KIAA1958: variants seen among roughly 807,000 people sequenced by gnomAD.
The protein encoded by KIAA1958 is uncharacterized protein KIAA1958.
A neutral mutation model predicts 47.2 loss-of-function variants in KIAA1958; 14 were observed. The observed-to-expected ratio is 0.30, with a 90% CI of 0.20 to 0.46. KIAA1958 has a LOEUF of 0.46. Ranked by LOEUF, KIAA1958 falls within the 20% of genes least tolerant of loss-of-function variation. KIAA1958 has a pLI of 1.00. For missense variants in KIAA1958, 803 were observed against 909.2 expected, an observed-to-expected ratio of 0.88 and a Z score of 1.50; for synonymous variants, 354 against 353.3, an observed-to-expected ratio of 1.00 and a Z score of -0.02.
chr9:112,558,882 A>G (rs1221838744), intron 1 of KIAA1958, among the ~76,000 whole-genome samples: 1 of 152,208 alleles, frequency 6.6e-6, no homozygotes, highest in Non-Finnish European at 1.5e-5. Context: ...ATTAATTTGT[A>G]TATTATATAA....
chr9:112,565,279 G>C (rs1835407270), intron 1 of KIAA1958, among the ~76,000 whole-genome samples: 1 of 152,006 alleles, frequency 6.6e-6, no homozygotes, highest in South Asian at 2.1e-4. Context: ...TTTGTTTTTT[G>C]TTTTTGTAGA....
chr9:112,573,002 G>A (rs1480996981), intron 1 of KIAA1958, among the ~76,000 whole-genome samples: 4 of 152,052 alleles, frequency 2.6e-5, no homozygotes, highest in East Asian at 1.9e-4. Flanking sequence ...AGCCAGGGCC[G>A]ACAAAATCAC....
chr9:112,600,386 CTT>C (rs1426485038), intron 2 of KIAA1958, among the ~76,000 whole-genome samples: 1 of 152,124 alleles, frequency 6.6e-6, no homozygotes, highest in East Asian at 1.9e-4. Context: ...TGTTACGTCT[CTT>C]TTTGAGGGGA....
chr9:112,589,686 G>C (rs968010864), intron 2 of KIAA1958, among the ~76,000 whole-genome samples: 1 of 152,210 alleles, frequency 6.6e-6, no homozygotes, highest in Non-Finnish European at 1.5e-5. Context: ...GATATGTTGT[G>C]AAAAGTAGGA....
chr9:112,582,723 A>T (rs79806844), intron 2 of KIAA1958: 14 of 128,600 alleles, frequency 1.1e-4, no homozygotes, highest in Admixed American at 1.0e-3. Context: ...AATAGCCCTG[A>T]AAAAAAAAAA....
At chr9:112,630,580 A>AT (rs1203775405) in intron 2 of KIAA1958, among the ~76,000 whole-genome samples, 2 of 152,222 alleles carry the variant, frequency 1.3e-5, no homozygotes, top group African/African-American at 4.8e-5. Context: ...GTCAGATATA[A>AT]TTCTCCATGT....
rs181550437 is a variant in KIAA1958 at position 112,633,297 on chromosome 9, C to G, written c.1172-12353C>G. Among the ~76,000 whole-genome samples, 125 of 151,614 alleles carry G rather than the reference C, an allele frequency of 8.2e-4. 2 individuals carry two copies. Among genetic ancestry groups the G allele is most frequent in the Non-Finnish European group, 1.9e-4 (13 of 67,886 alleles). On this transcript the variant is annotated intron_variant, in intron 2 of 3. Transcript: ENST00000337530. The stretch of plus-strand genomic sequence containing the variant: ...TACTTTCTTAAACTTCAGAAACACC[C>G]TAACAAGTAACAACAGAAAAGGGGG...
Position 112,635,211 on chromosome 9 carries a change from ATT to A in KIAA1958, c.1172-10436_1172-10435del, listed in dbSNP as rs1245992788. Among the ~76,000 whole-genome samples, 9 of 105,078 alleles carry A rather than the reference ATT, an allele frequency of 8.6e-5. No homozygotes were observed. In the South Asian group the frequency reaches 1.3e-3, roughly 15 times the overall value. 68.9% of individuals were successfully genotyped at this position (105,078 alleles called of 152,430 possible). On this transcript the variant is annotated intron_variant, in intron 2 of 3. Coordinates refer to ENST00000337530, the MANE Select transcript of KIAA1958 (RefSeq NM_133465.4). ...CTGAAGTTTTATTTTGAGATTCTTT[ATT>A]TTGTGTGTGTGTGTGTGTGTGTGTG...
chr9:112,589,625 C>T (rs1447632003), intron 2 of KIAA1958, among the ~76,000 whole-genome samples: 2 of 152,172 alleles, frequency 1.3e-5, no homozygotes, highest in Non-Finnish European at 2.9e-5. Flanking sequence ...TGGGTTCCTG[C>T]TGCAGTTGTG....
intron 2 of KIAA1958, among the ~76,000 whole-genome samples, chr9:112,631,534 G>GAAAAAAAAAAAAAAAAAAAAAAAAAA (rs57805823): frequency 2.0e-5 from 2 of 98,304 alleles, no homozygotes; most frequent in Non-Finnish European, 4.1e-5. Context: ...CTCTCTCAAA[G>GAAAAAAAAAAAAAAAAAAAAAAAAAA]AAAAAAAAAA....
In KIAA1958 at chr9:112,627,074, G is replaced by A. The variant is rs573177887; in HGVS notation, c.1172-18576G>A. Among the ~76,000 whole-genome samples the A allele has an allele frequency of 9.2e-5, 14 of 152,234 alleles. No homozygotes were observed. In the South Asian group the frequency reaches 2.9e-3, roughly 32 times the overall value. On this transcript the variant is annotated intron_variant, in intron 2 of 3. Transcript: ENST00000337530. Reference sequence around the variant, plus strand: ...TGTGTACTTCATTGTTTAATATTTTGAGCCAGCACTTAGTGGCCTCTACAG... The same window carrying A: ...TGTGTACTTCATTGTTTAATATTTTAAGCCAGCACTTAGTGGCCTCTACAG...
In KIAA1958 at chr9:112,666,465, C is replaced by G. The variant is rs1786628691; in HGVS notation, c.*6396C>G. ...TCAGGACTAGAGAGTTAGTCCAGAA[C>G]TCTCTCCTCCATATCACAGCTGAGA... On this transcript the variant is annotated 3_prime_UTR_variant, in exon 4 of 4. Transcript: ENST00000337530. 1 of 152,108 alleles carries G rather than the reference C, an allele frequency of 6.6e-6. No individual in the cohort carries two copies. The highest frequency in any genetic ancestry group is 2.1e-4 in the South Asian group (1 of 4,820). The allele number at this position is 152,108 out of a possible 1,614,324, so 9.4% of individuals were successfully genotyped here. A position where few individuals can be genotyped will look rare whatever the true frequency, so the allele number is the denominator to read the frequency against.
Position 112,664,179 on chromosome 9 carries a change from T to C in KIAA1958, c.*4110T>C, listed in dbSNP as rs888117227. The C allele has an allele frequency of 9.9e-5, 15 of 152,272 alleles. No homozygotes were observed. The highest frequency in any genetic ancestry group is 9.8e-4 in the Admixed American group (15 of 15,292). 9.4% of individuals were successfully genotyped at this position (152,272 alleles called of 1,614,324 possible). Reference sequence around the variant, plus strand: ...GATAGTTAGTCTCCTAATTAAGTGCTTCTCACTATATTGGGATGCCTTCTT... The same window carrying C: ...GATAGTTAGTCTCCTAATTAAGTGCCTCTCACTATATTGGGATGCCTTCTT... On this transcript the variant is annotated 3_prime_UTR_variant, in exon 4 of 4. Transcript: ENST00000337530.
chr9:112,503,475 C>T (rs1355575518), intron 1 of KIAA1958, among the ~76,000 whole-genome samples: 1 of 151,814 alleles, frequency 6.6e-6, no homozygotes, highest in East Asian at 1.9e-4. Flanking sequence ...AAACAATACT[C>T]CTTCTCTACA....
chr9:112,636,325 T>A (rs903313391), intron 2 of KIAA1958, among the ~76,000 whole-genome samples: 15 of 152,030 alleles, frequency 9.9e-5, no homozygotes, highest in African/African-American at 3.4e-4. Context: ...TTGGTAAAAG[T>A]GACATACAAA....
intron 1 of KIAA1958, among the ~76,000 whole-genome samples, chr9:112,507,207 C>T (rs1428724635): frequency 2.6e-5 from 4 of 152,130 alleles, no homozygotes; most frequent in Non-Finnish European, 5.9e-5. Flanking sequence ...AGCTCTGGTC[C>T]AAGGGGTGGC....
intron 1 of KIAA1958, among the ~76,000 whole-genome samples, chr9:112,531,412 A>G (rs937908075): frequency 5.9e-5 from 9 of 152,142 alleles, no homozygotes; most frequent in African/African-American, 2.2e-4. Context: ...TAAATAAATA[A>G]AAGGAAACCA....
At position 112,636,151 on chromosome 9, in the gene KIAA1958, A is replaced by G. The variant is rs989161046; in HGVS notation, c.1172-9499A>G. Among the ~76,000 whole-genome samples, 5 of 148,334 alleles carry G rather than the reference A, an allele frequency of 3.4e-5. No individual in the cohort carries two copies. In the Admixed American group the frequency reaches 3.4e-4, roughly 10 times the overall value. ...CATATATCATATATATTTTTGTATT[A>G]TATTAAATAATATACTTATTATTAT... On this transcript the variant is annotated intron_variant, in intron 2 of 3. Transcript: ENST00000337530.
chr9:112,609,117 G>A (rs2676629), intron 2 of KIAA1958, among the ~76,000 whole-genome samples: 130,507 of 152,194 alleles, frequency 0.86, 56,227 homozygotes, highest in African/African-American at 0.92. Context: ...TGCAACAATG[G>A]AAACAGAGAG....
Sources: allele counts gnomAD v4.1 joint callset (sites outside exome capture counted in the v4.1 genomes callset), GRCh38; gene constraint gnomAD v4.1.1; transcripts MANE v1.5; gene names NCBI Gene and HGNC (gene_info 2026-07-23, HGNC 2026-07-21).